The following COG5 variants were observed in gnomAD, a reference collection of about 807,000 sequenced individuals.
COG5 encodes the protein component of oligomeric golgi complex 5, also known as conserved oligomeric Golgi complex subunit 5.
COG5 carries 86 observed loss-of-function variants against 110.4 expected under a neutral mutation model. The ratio of observed to expected loss-of-function variants is 0.78; its 90% confidence interval spans 0.65 to 0.93. The LOEUF (loss-of-function observed/expected upper bound fraction) is 0.93, where lower values mean the gene tolerates loss of function less well. Ranked by LOEUF, COG5 falls within the 40% of genes least tolerant of loss-of-function variation. COG5 has a pLI of 0.00. For synonymous variants in COG5, 360 were observed against 334.6 expected (o/e 1.08, Z -0.83); for missense variants, 1,077 against 987.0 (o/e 1.09, Z -1.22).
intron 12 of COG5, among the ~76,000 whole-genome samples, chr7:107,288,972 TTATC>T (rs1805932202): frequency 8.4e-6 from 1 of 119,528 alleles, no homozygotes; most frequent in Non-Finnish European, 1.8e-5. Context: ...ATTTAAAAAT[TTATC>T]TATATTTTTA....
chr7:107,361,931 A>G, intron 10 of COG5, 102 bp downstream of exon 10: 1 of 744,618 alleles, frequency 1.3e-6, no homozygotes, highest in Non-Finnish European at 2.4e-6. Flanking sequence ...TTGCCATCTG[A>G]TATGTAGCCA....
intron 14 of COG5, among the ~76,000 whole-genome samples, chr7:107,264,610 G>A (rs1311033131): frequency 6.6e-6 from 1 of 152,006 alleles, no homozygotes; most frequent in Non-Finnish European, 1.5e-5. Flanking sequence ...TGAGGATGGT[G>A]TGAGCCCAAG....
chr7:107,409,230 G>GAAAAAAAA (rs11366303), intron 7 of COG5, among the ~76,000 whole-genome samples: 4 of 104,984 alleles, frequency 3.8e-5, no homozygotes, highest in East Asian at 2.7e-4. Flanking sequence ...CAACGTCAAG[G>GAAAAAAAA]AAAAAAAAAA....
At chr7:107,530,693 TG>T (rs948609694) in intron 5 of COG5, among the ~76,000 whole-genome samples, 12 of 152,154 alleles carry the variant, frequency 7.9e-5, no homozygotes, top group African/African-American at 2.6e-4. Flanking sequence ...CAGATTATGT[TG>T]AATCTTCTGG....
intron 18 of COG5, 66 bp downstream of exon 18, chr7:107,236,384 T>C: frequency 8.7e-7 from 1 of 1,146,180 alleles, no homozygotes; most frequent in Non-Finnish European, 1.3e-6. Flanking sequence ...GAAAACACAT[T>C]CTTTCATTTA....
chr7:107,335,140 G>T (rs1204748164), intron 10 of COG5, among the ~76,000 whole-genome samples: 2 of 152,106 alleles, frequency 1.3e-5, no homozygotes, highest in Non-Finnish European at 2.9e-5. Flanking sequence ...TTCTTTCTTT[G>T]TATCTTTTGT....
intron 6 of COG5, among the ~76,000 whole-genome samples, chr7:107,456,979 C>T (rs920665755): frequency 6.6e-6 from 1 of 152,204 alleles, no homozygotes; most frequent in Admixed American, 6.5e-5. Flanking sequence ...CCACAAGTAA[C>T]TTAACTGCCT....
chr7:107,419,589 C>T (rs1217928985), intron 6 of COG5, among the ~76,000 whole-genome samples: 16 of 144,656 alleles, frequency 1.1e-4, no homozygotes, highest in Admixed American at 4.8e-4. Flanking sequence ...TTTTTTGAGA[C>T]GGAGTTTCAC....
intron 8 of COG5, among the ~76,000 whole-genome samples, chr7:107,369,421 C>A (rs1275272794): frequency 8.1e-6 from 1 of 123,520 alleles, no homozygotes; most frequent in East Asian, 2.4e-4. Flanking sequence ...GAGTCTTGCT[C>A]TGTTGCCCAG....
At chr7:107,298,528 T>G (rs1806964325) in intron 11 of COG5, among the ~76,000 whole-genome samples, 182 bp from the exon 12 acceptor site, 1 of 152,142 alleles carries the variant, frequency 6.6e-6, no homozygotes, top group Non-Finnish European at 1.5e-5. Context: ...TCACTGCATT[T>G]GATGTGCAGG....
At chr7:107,490,858 TA>T (rs940341315) in intron 6 of COG5, among the ~76,000 whole-genome samples, 6 of 152,166 alleles carry the variant, frequency 3.9e-5, no homozygotes, top group African/African-American at 1.2e-4. Context: ...GGCATCACTT[TA>T]TGATATTATG....
rs1291888757 is a variant in COG5 at position 107,294,968 on chromosome 7, T to C, written c.1313+3174A>G. 1.7e-4 allele frequency among the ~76,000 whole-genome samples: 22 copies of C among 132,098 alleles called. 1 individual carries two copies. The highest frequency in any genetic ancestry group is 2.4e-4 in the Non-Finnish European group (15 of 62,378). 86.7% of individuals were successfully genotyped at this position (132,098 alleles called of 152,430 possible). A position where few individuals can be genotyped will look rare whatever the true frequency, so the allele number is the denominator to read the frequency against. On this transcript the variant is annotated intron_variant, in intron 12 of 21. Transcript: ENST00000297135. ...ACACACACATATATATATACACACA[T>C]ATATATATACACATATATACACACA...
intron 6 of COG5, among the ~76,000 whole-genome samples, chr7:107,415,257 AG>A (rs921815759): frequency 2.6e-5 from 4 of 152,202 alleles, no homozygotes; most frequent in African/African-American, 9.7e-5. Context: ...CACCATGATG[AG>A]GAGTCAAAGA....
chr7:107,264,462 C>T (rs975245830), intron 14 of COG5, among the ~76,000 whole-genome samples: 1 of 152,034 alleles, frequency 6.6e-6, no homozygotes, highest in Non-Finnish European at 1.5e-5. Flanking sequence ...GAGACTGAGG[C>T]AGGAGGATCG....
intron 7 of COG5, among the ~76,000 whole-genome samples, chr7:107,386,503 C>T (rs191413633): frequency 2.3e-3 from 354 of 152,208 alleles, no homozygotes; most frequent in Non-Finnish European, 4.1e-3. Context: ...TGAAAAGCAC[C>T]GCGCAGTCAG....
intron 6 of COG5, among the ~76,000 whole-genome samples, chr7:107,455,127 T>C (rs1795580916): frequency 6.6e-6 from 1 of 152,184 alleles, no homozygotes; most frequent in African/African-American, 2.4e-5. Context: ...TCGTGGTGGA[T>C]GGCATGAATA....
intron 10 of COG5, among the ~76,000 whole-genome samples, chr7:107,350,383 G>A (rs912105928): frequency 1.3e-4 from 19 of 151,982 alleles, no homozygotes; most frequent in Admixed American, 9.2e-4. Context: ...ATTTCTAAAC[G>A]TTCTACTGGT....
At chr7:107,519,409 TAAAGA>T (rs934707124) in intron 6 of COG5, among the ~76,000 whole-genome samples, 3 of 150,902 alleles carry the variant, frequency 2.0e-5, no homozygotes, top group East Asian at 3.9e-4. Flanking sequence ...GCTAGACTAA[TAAAGA>T]AAAGAGAGAA....
intron 10 of COG5, among the ~76,000 whole-genome samples, chr7:107,341,867 T>A (rs1419864641): frequency 6.6e-6 from 1 of 152,212 alleles, no homozygotes; most frequent in Non-Finnish European, 1.5e-5. Flanking sequence ...TTTTATTATA[T>A]GCAAAACTTA....
Sources: allele counts gnomAD v4.1 joint callset (sites outside exome capture counted in the v4.1 genomes callset), GRCh38; gene constraint gnomAD v4.1.1; transcripts MANE v1.5; gene names NCBI Gene and HGNC (gene_info 2026-07-23, HGNC 2026-07-21).